TMTC4: variants seen among roughly 807,000 people sequenced by gnomAD.
TMTC4 encodes the protein protein O-mannosyl-transferase TMTC4.
TMTC4 carries 65 observed loss-of-function variants against 86.0 expected under a neutral mutation model. That is an observed-to-expected ratio of 0.76 (90% CI 0.62 to 0.93). TMTC4 has a LOEUF of 0.93. Ranked by LOEUF, TMTC4 falls within the 40% of genes least tolerant of loss-of-function variation. TMTC4 has a pLI of 0.00. For synonymous variants in TMTC4, 379 were observed against 382.5 expected (o/e 0.99, Z 0.11); for missense variants, 866 against 948.1 (o/e 0.91, Z 1.14).
At chr13:100,664,674 C>T (rs1886197108) in intron 3 of TMTC4, among the ~76,000 whole-genome samples, 1 of 152,144 alleles carries the variant, frequency 6.6e-6, no homozygotes, top group Admixed American at 6.5e-5. Context: ...GGACAGTCAC[C>T]CTCAACTCTT....
intron 15 of TMTC4, among the ~76,000 whole-genome samples, chr13:100,620,255 T>C (rs927549484): frequency 2.0e-5 from 3 of 152,216 alleles, no homozygotes; most frequent in Non-Finnish European, 4.4e-5. Flanking sequence ...CAACAGGCAC[T>C]GGATGGTGGG....
chr13:100,671,444 GTGTTCTAAGCAATA>G (rs1362178968), intron 1 of TMTC4, among the ~76,000 whole-genome samples: 5 of 152,072 alleles, frequency 3.3e-5, no homozygotes, highest in Non-Finnish European at 5.9e-5. Context: ...GAACATAAAC[GTGTTCTAAGCAATA>G]TGTTCTAAGC....
At position 100,614,036 on chromosome 13, in the gene TMTC4, T is replaced by C. The variant is rs183073448; in HGVS notation, c.1951+280A>G. Among the ~76,000 whole-genome samples the C allele has an allele frequency of 1.6e-3, 249 of 151,556 alleles. 2 individuals carry two copies. The highest frequency in any genetic ancestry group is 5.3e-3 in the African/African-American group (218 of 41,220). On this transcript the variant is annotated intron_variant, in intron 16 of 18. Transcript: ENST00000342624. ...GTATTTTTAGTACGGACAGGGTTTC[T>C]CCATGTTGGTCAGGCTGGTCTCGAA...
chr13:100,612,325 C>A, intron 17 of TMTC4, 73 bp downstream of exon 17: 1 of 1,180,150 alleles, frequency 8.5e-7, no homozygotes, highest in Non-Finnish European at 1.2e-6. Context: ...TTTAACTGGG[C>A]AGAAGTAACA....
chr13:100,661,308 C>G (rs1406397505), intron 5 of TMTC4, among the ~76,000 whole-genome samples: 2 of 152,124 alleles, frequency 1.3e-5, no homozygotes, highest in Non-Finnish European at 2.9e-5. Flanking sequence ...TGAGTGTGTA[C>G]GTGTGTGTAA....
intron 3 of TMTC4, among the ~76,000 whole-genome samples, chr13:100,666,758 C>T (rs1886439384): frequency 2.0e-5 from 3 of 152,184 alleles, no homozygotes; most frequent in Admixed American, 1.3e-4. Context: ...TTTGGGAGGC[C>T]AAGGTGGGAG....
intron 6 of TMTC4, among the ~76,000 whole-genome samples, chr13:100,643,305 C>T (rs570625141): frequency 6.6e-6 from 1 of 152,236 alleles, no homozygotes; most frequent in African/African-American, 2.4e-5. Context: ...TCCACTTACA[C>T]CTGGAACTCC....
chr13:100,614,510 AAAG>A, intron 15 of TMTC4, 80 bp from the exon 16 acceptor site: 28 of 1,113,610 alleles, frequency 2.5e-5, no homozygotes, highest in Middle Eastern at 2.1e-4. Context: ...AAAAAAAAAA[AAAG>A]AAAGAAAAAG....
chr13:100,648,274 C>T (rs188520412), intron 6 of TMTC4, among the ~76,000 whole-genome samples: 370 of 151,906 alleles, frequency 2.4e-3, no homozygotes, highest in Non-Finnish European at 4.2e-3. Flanking sequence ...TATCTAGTCC[C>T]AGGTGGGATG....
intron 5 of TMTC4, among the ~76,000 whole-genome samples, chr13:100,662,163 G>A (rs1466581026): frequency 1.3e-5 from 2 of 148,488 alleles, no homozygotes; most frequent in Non-Finnish European, 1.5e-5. Context: ...AGCGGTGCCC[G>A]TACCCTGCTG....
rs35964157 is a variant in TMTC4 at position 100,624,354 on chromosome 13, T to TAAAAA, written c.1836+1176_1836+1180dup. ...GAGACTCTGTCTCAAAAAAAAAAAA[T>TAAAAA]AAAAAAAAAATAAAAAAAGAAAGAG... On this transcript the variant is annotated intron_variant, in intron 15 of 18. Coordinates refer to ENST00000342624, the MANE Select transcript of TMTC4 (RefSeq NM_032813.5). 844 of 118,656 alleles carry TAAAAA rather than the reference T, an allele frequency of 7.1e-3. 10 individuals carry two copies. The highest frequency in any genetic ancestry group is 0.021 in the African/African-American group (759 of 36,056). The allele number at this position is 118,656 out of a possible 1,614,324, so 7.4% of individuals were successfully genotyped here.
chr13:100,627,108 G>A (rs1880667506), intron 12 of TMTC4, among the ~76,000 whole-genome samples: 1 of 152,186 alleles, frequency 6.6e-6, no homozygotes, highest in East Asian at 1.9e-4. Context: ...CTGGCACTGT[G>A]AGAAATGAGT....
chr13:100,666,137 T>A (rs1458539180), intron 3 of TMTC4: 1 of 444,154 alleles, frequency 2.3e-6, no homozygotes. Context: ...TTCTTCCTCA[T>A]AATGATTTAT....
intron 5 of TMTC4, among the ~76,000 whole-genome samples, chr13:100,658,565 G>A (rs1400942594): frequency 1.3e-5 from 2 of 152,022 alleles, no homozygotes; most frequent in African/African-American, 4.8e-5. Context: ...AGACCAAGGG[G>A]AAGTGAGGTG....
intron 12 of TMTC4, among the ~76,000 whole-genome samples, chr13:100,634,407 G>C (rs1229679291): frequency 6.6e-6 from 1 of 152,128 alleles, no homozygotes; most frequent in Non-Finnish European, 1.5e-5. Flanking sequence ...GAGGAGGCTA[G>C]TTAATGCTAT....
intron 12 of TMTC4, among the ~76,000 whole-genome samples, chr13:100,626,659 C>T (rs1014491478): frequency 3.3e-5 from 5 of 152,056 alleles, no homozygotes; most frequent in Non-Finnish European, 5.9e-5. Flanking sequence ...ATTCCCCTCA[C>T]CTACACACTC....
rs1283201 is a variant in TMTC4 at position 100,670,368 on chromosome 13, G to C, written c.-6C>G. 0.35 allele frequency: 563,127 copies of C among 1,606,530 alleles called. 101,915 individuals carry two copies. Among genetic ancestry groups the C allele is most frequent in the East Asian group, 0.6 (26,277 of 44,138 alleles). ...CAGGCAACGGGACACACCATTCCAT[G>C]GTGATGCTGTCCCCTTCCAGGGGCC... On this transcript the variant is annotated 5_prime_UTR_variant, in exon 2 of 19. Coordinates refer to ENST00000342624, the MANE Select transcript of TMTC4 (RefSeq NM_032813.5).
chr13:100,665,237 A>T (rs1164639197), intron 3 of TMTC4, among the ~76,000 whole-genome samples: 1 of 152,238 alleles, frequency 6.6e-6, no homozygotes, highest in Non-Finnish European at 1.5e-5. Context: ...TAATGAGAAG[A>T]GAGGCAAACA....
Position 100,614,410 on chromosome 13 carries a change from G to A in TMTC4, c.1857C>T (p.His619=), listed in dbSNP as rs201076381. 61 of 1,612,570 alleles carry A rather than the reference G, an allele frequency of 3.8e-5. No individual in the cohort carries two copies. Among genetic ancestry groups the A allele is most frequent in the East Asian group, 1.3e-4 (6 of 44,840 alleles). ...LGRLYADLNR[H]VDALNAWRNA... Reference sequence around the variant, plus strand: ...TTCTCCACGCATTCAAGGCATCCACGTGGCGATTGAGATCTGCATACTGAA... The same window carrying A: ...TTCTCCACGCATTCAAGGCATCCACATGGCGATTGAGATCTGCATACTGAA... Residue 619 remains histidine (H), a synonymous_variant, in exon 16 of 19, where the codon CAC becomes CAT. Coordinates refer to ENST00000342624, the MANE Select transcript of TMTC4 (RefSeq NM_032813.5).
Sources: allele counts gnomAD v4.1 joint callset (sites outside exome capture counted in the v4.1 genomes callset), GRCh38; gene constraint gnomAD v4.1.1; transcripts MANE v1.5; gene names NCBI Gene and HGNC (gene_info 2026-07-23, HGNC 2026-07-21).